The following CACNA2D3 variants were observed in gnomAD, a reference collection of about 807,000 sequenced individuals.
CACNA2D3 encodes calcium voltage-gated channel auxiliary subunit alpha2delta 3, also known as voltage-dependent calcium channel subunit alpha-2/delta-3.
CACNA2D3 carries 60 observed loss-of-function variants against 160.6 expected under a neutral mutation model. That is an observed-to-expected ratio of 0.37 (90% CI 0.30 to 0.46). The LOEUF (loss-of-function observed/expected upper bound fraction) is 0.46, where lower values mean the gene tolerates loss of function less well. Among genes scored for constraint, CACNA2D3 ranks in the 20% least tolerant of loss-of-function variants. The probability of loss-of-function intolerance (pLI) is 1.00; values close to 1 mark genes in which losing one functional copy is unlikely to be tolerated. For missense variants in CACNA2D3, 1,205 were observed against 1,365.0 expected, an observed-to-expected ratio of 0.88 and a Z score of 1.85; for synonymous variants, 558 against 492.9, an observed-to-expected ratio of 1.13 and a Z score of -1.75.
At chr3:54,329,057 C>A (rs141439823) in intron 3 of CACNA2D3, among the ~76,000 whole-genome samples, 1 of 152,152 alleles carries the variant, frequency 6.6e-6, no homozygotes, top group Non-Finnish European at 1.5e-5. Context: ...CCAGATGGCT[C>A]GTTGTCTGAG....
intron 11 of CACNA2D3, among the ~76,000 whole-genome samples, chr3:54,748,891 G>T (rs1701807078): frequency 6.6e-6 from 1 of 152,184 alleles, no homozygotes; most frequent in Non-Finnish European, 1.5e-5. Flanking sequence ...ATCTGTTAAT[G>T]ATGGAAATTA....
chr3:55,022,012 G>C (rs547185788), intron 35 of CACNA2D3, among the ~76,000 whole-genome samples: 2 of 152,148 alleles, frequency 1.3e-5, no homozygotes, highest in South Asian at 2.1e-4. Flanking sequence ...TTTGGACAAA[G>C]TATACAAATT....
chr3:54,390,141 G>T (rs1354087488), intron 4 of CACNA2D3, among the ~76,000 whole-genome samples: 1 of 152,184 alleles, frequency 6.6e-6, no homozygotes, highest in African/African-American at 2.4e-5. Flanking sequence ...GGGAGGGGAT[G>T]ATGTGGTTGA....
intron 2 of CACNA2D3, among the ~76,000 whole-genome samples, chr3:54,215,654 CT>C (rs1701447842): frequency 1.3e-5 from 2 of 152,124 alleles, no homozygotes; most frequent in African/African-American, 2.4e-5. Flanking sequence ...GCATCCTTTA[CT>C]TTTTAACCTG....
chr3:54,360,529 C>G, intron 3 of CACNA2D3, among the ~76,000 whole-genome samples: 1 of 152,170 alleles, frequency 6.6e-6, no homozygotes, highest in East Asian at 1.9e-4. Context: ...GCAGGGGTAT[C>G]GAGAGGCCAC....
intron 3 of CACNA2D3, among the ~76,000 whole-genome samples, chr3:54,331,098 C>T (rs1360112209): frequency 6.6e-6 from 1 of 152,118 alleles, no homozygotes; most frequent in African/African-American, 2.4e-5. Flanking sequence ...TAATTAATCA[C>T]ATCAGAATTG....
At chr3:54,604,314 A>C (rs1223394221) in intron 9 of CACNA2D3, among the ~76,000 whole-genome samples, 1 of 152,202 alleles carries the variant, frequency 6.6e-6, no homozygotes, top group Non-Finnish European at 1.5e-5. Flanking sequence ...CAGGTGGAAG[A>C]AGACAGATAA....
chr3:54,533,793 TAGTGTGTGTGTG>T lies in CACNA2D3; in HGVS notation c.545-29006_545-28995del, dbSNP rs1474943111. Among the ~76,000 whole-genome samples, 23 of 52,370 alleles carry T rather than the reference TAGTGTGTGTGTG, an allele frequency of 4.4e-4. No individual in the cohort carries two copies. In the East Asian group the frequency reaches 6.7e-3, roughly 15 times the overall value. 34.4% of individuals were successfully genotyped at this position (52,370 alleles called of 152,430 possible). A position where few individuals can be genotyped will look rare whatever the true frequency, so the allele number is the denominator to read the frequency against. On this transcript the variant is annotated intron_variant, in intron 5 of 37. Transcript: ENST00000474759. ...TCTTCTAGTGGTTTGAAATGGAAAA[TAGTGTGTGTGTG>T]TGTGTGTGTGTGTGTGTGTGTGTTA...
At chr3:54,365,891 C>T (rs564138618) in intron 3 of CACNA2D3, among the ~76,000 whole-genome samples, 407 of 152,208 alleles carry the variant, frequency 2.7e-3, no homozygotes, top group Admixed American at 4.3e-3. Context: ...AAAATACAGC[C>T]TATCCTCTCA....
intron 5 of CACNA2D3, among the ~76,000 whole-genome samples, chr3:54,515,203 A>T (rs535439400): frequency 2.0e-3 from 288 of 144,494 alleles, no homozygotes; most frequent in Middle Eastern, 3.5e-3. Context: ...TGTGTGTGAG[A>T]GAGAGAGAGA....
At chr3:54,150,927 G>A (rs1482793407) in intron 2 of CACNA2D3, among the ~76,000 whole-genome samples, 4 of 151,848 alleles carry the variant, frequency 2.6e-5, no homozygotes, top group Non-Finnish European at 5.9e-5. Flanking sequence ...ATGGGTGGGT[G>A]GGTGGATAGA....
chr3:54,531,791 A>AT (rs566064358), intron 5 of CACNA2D3, among the ~76,000 whole-genome samples: 107 of 152,332 alleles, frequency 7.0e-4, no homozygotes, highest in African/African-American at 2.5e-3. Flanking sequence ...AATTTTAGAA[A>AT]TTTGCAGCAT....
rs56816802 is a variant in CACNA2D3, at chr3:54,500,504, TCTTCCTTCCTTCCTTCCTTCCTTC to T, written c.382-2960_382-2937del. On this transcript the variant is annotated intron_variant, in intron 4 of 37. Coordinates refer to ENST00000474759, the MANE Select transcript of CACNA2D3 (RefSeq NM_018398.3). Reference sequence around the variant, plus strand: ...TCCTTCCTATCTTCCTTCCTTCCTATCTTCCTTCCTTCCTTCCTTCCTTCCTTCCTTCCTTCCTTCCTTCCTTCC... The same window carrying T: ...TCCTTCCTATCTTCCTTCCTTCCTATCTTCCTTCCTTCCTTCCTTCCTTCC... 4.9e-5 allele frequency among the ~76,000 whole-genome samples: 5 copies of T among 102,124 alleles called. No homozygotes were observed. In the East Asian group the frequency reaches 8.2e-4, roughly 17 times the overall value. 67.0% of individuals were successfully genotyped at this position (102,124 alleles called of 152,430 possible).
rs145158032 is a variant in CACNA2D3 at position 54,842,979 on chromosome 3, CTTT to C, written c.1552-3398_1552-3396del. Among the ~76,000 whole-genome samples the C allele has an allele frequency of 3.8e-3, 515 of 134,968 alleles. 4 individuals carry two copies. Among genetic ancestry groups the C allele is most frequent in the African/African-American group, 0.012 (448 of 36,524 alleles). 88.5% of individuals were successfully genotyped at this position (134,968 alleles called of 152,430 possible). A position where few individuals can be genotyped will look rare whatever the true frequency, so the allele number is the denominator to read the frequency against. On this transcript the variant is annotated intron_variant, in intron 16 of 37. Coordinates refer to ENST00000474759, the MANE Select transcript of CACNA2D3 (RefSeq NM_018398.3). ...TTGAGAGGCGGAAAAGTGAGTGTAG[CTTT>C]TTTTTTTTTTTTTTTCTTTGAGCCT...
chr3:54,935,729 A>G (rs570469623), intron 27 of CACNA2D3, among the ~76,000 whole-genome samples: 19 of 152,356 alleles, frequency 1.2e-4, no homozygotes, highest in African/African-American at 4.6e-4. Flanking sequence ...ATAGATTACA[A>G]TGTATGTTTC....
intron 17 of CACNA2D3, among the ~76,000 whole-genome samples, chr3:54,854,221 C>T (rs1699119024): frequency 3.3e-5 from 5 of 152,100 alleles, no homozygotes; most frequent in South Asian, 4.2e-4. Flanking sequence ...CCCCACGTAG[C>T]GAGCCTGTTC....
intron 10 of CACNA2D3, chr3:54,638,252 CT>C (rs1420107730): frequency 2.0e-5 from 3 of 151,934 alleles, no homozygotes; most frequent in African/African-American, 7.3e-5. Flanking sequence ...CTTAGGGTTG[CT>C]GCCAAACGAG....
rs529638834 is a variant in CACNA2D3, at chr3:54,804,908, G to T, written c.1381-11945G>T. On this transcript the variant is annotated intron_variant, in intron 13 of 37. Coordinates refer to ENST00000474759, the MANE Select transcript of CACNA2D3 (RefSeq NM_018398.3). ...CAGGATTAAGAAACTCACTCAAAAT[G>T]GCTCAACTACATGGAAACTGAACAA... 7.7e-3 allele frequency among the ~76,000 whole-genome samples: 1,172 copies of T among 152,222 alleles called. 13 individuals carry two copies. The highest frequency in any genetic ancestry group is 0.026 in the African/African-American group (1,088 of 41,544).
intron 15 of CACNA2D3, among the ~76,000 whole-genome samples, chr3:54,837,787 T>C (rs1698727863): frequency 6.6e-6 from 1 of 152,188 alleles, no homozygotes; most frequent in African/African-American, 2.4e-5. Flanking sequence ...CCTGTTCCTC[T>C]TATATGTCTC....
Sources: allele counts gnomAD v4.1 joint callset (sites outside exome capture counted in the v4.1 genomes callset), GRCh38; gene constraint gnomAD v4.1.1; transcripts MANE v1.5; gene names NCBI Gene and HGNC (gene_info 2026-07-23, HGNC 2026-07-21).